The following ADAMTS17 variants were observed in gnomAD, a reference collection of about 807,000 sequenced individuals.
ADAMTS17 encodes A disintegrin and metalloproteinase with thrombospondin motifs 17.
A neutral mutation model predicts 141.5 loss-of-function variants in ADAMTS17; 113 were observed. The observed-to-expected ratio is 0.80, with a 90% CI of 0.69 to 0.93. The LOEUF (loss-of-function observed/expected upper bound fraction) is 0.93. Ranked by LOEUF, ADAMTS17 falls within the 40% of genes least tolerant of loss-of-function variation. The probability of loss-of-function intolerance (pLI) is 0.00; values close to 1 mark genes in which losing one functional copy is unlikely to be tolerated. For synonymous variants in ADAMTS17, 768 were observed against 630.6 expected, an observed-to-expected ratio of 1.22 and a Z score of -3.27; for missense variants, 1,659 against 1,517.9, an observed-to-expected ratio of 1.09 and a Z score of -1.54.
At chr15:100,287,754 C>A (rs1246778759) in intron 3 of ADAMTS17, among the ~76,000 whole-genome samples, 1 of 152,146 alleles carries the variant, frequency 6.6e-6, no homozygotes, top group Non-Finnish European at 1.5e-5. Flanking sequence ...TGATATCCAG[C>A]CAAATTAAGC....
rs2060263065 is a variant in ADAMTS17, at chr15:99,973,875, G to A, written c.*527C>T. On this transcript the variant is annotated 3_prime_UTR_variant, in exon 22 of 22. Coordinates refer to ENST00000268070, the MANE Select transcript of ADAMTS17 (RefSeq NM_139057.4). Reference sequence around the variant, plus strand: ...GGAGGCAACGTCCTGGTTCTCATGTGGTCAAGAAGGTAGATGGAGAGAAAC... The same window carrying A: ...GGAGGCAACGTCCTGGTTCTCATGTAGTCAAGAAGGTAGATGGAGAGAAAC... The A allele has an allele frequency of 4.7e-6, 1 of 211,286 alleles. No individual in the cohort carries two copies. Among genetic ancestry groups the A allele is most frequent in the Non-Finnish European group, 9.6e-6 (1 of 104,018 alleles). 13.1% of individuals were successfully genotyped at this position (211,286 alleles called of 1,614,324 possible). A position where few individuals can be genotyped will look rare whatever the true frequency, so the allele number is the denominator to read the frequency against.
intron 15 of ADAMTS17, among the ~76,000 whole-genome samples, chr15:100,080,547 C>A (rs1390803625): frequency 6.6e-6 from 1 of 152,048 alleles, no homozygotes; most frequent in Non-Finnish European, 1.5e-5. Flanking sequence ...GGTCACTCCA[C>A]CAAGAAAAAA....
chr15:100,283,975 G>A (rs752310068), intron 3 of ADAMTS17, among the ~76,000 whole-genome samples: 2 of 152,138 alleles, frequency 1.3e-5, no homozygotes, highest in Non-Finnish European at 2.9e-5. Flanking sequence ...GCATGGTGGT[G>A]CGTGCCTGTA....
At chr15:100,073,405 A>G (rs1381439764) in intron 15 of ADAMTS17, among the ~76,000 whole-genome samples, 1 of 152,174 alleles carries the variant, frequency 6.6e-6, no homozygotes, top group Non-Finnish European at 1.5e-5. Context: ...CAGCCATCCC[A>G]TTACTGGGTG....
intron 7 of ADAMTS17, among the ~76,000 whole-genome samples, chr15:100,248,628 A>G (rs1050431846): frequency 2.0e-5 from 3 of 152,148 alleles, no homozygotes; most frequent in Admixed American, 6.5e-5. Context: ...AGTGGGGGCC[A>G]CTCAGTGAGG....
At chr15:100,307,234 G>A (rs1344754964) in intron 3 of ADAMTS17, among the ~76,000 whole-genome samples, 1 of 152,198 alleles carries the variant, frequency 6.6e-6, no homozygotes, top group Non-Finnish European at 1.5e-5. Context: ...AAAAGACTCT[G>A]CTTCTTGGAC....
At position 100,261,459 on chromosome 15, in the gene ADAMTS17, C is replaced by T; in HGVS notation, c.1031+20G>A. 1 of 1,613,762 alleles carries T rather than the reference C, an allele frequency of 6.2e-7. No individual in the cohort carries two copies. The highest frequency in any genetic ancestry group is 8.5e-7 in the Non-Finnish European group (1 of 1,179,978). On this transcript the variant is annotated intron_variant, in intron 6 of 21. Coordinates refer to ENST00000268070, the MANE Select transcript of ADAMTS17 (RefSeq NM_139057.4). The stretch of plus-strand genomic sequence containing the variant: ...TCTTTTCCCTCTCACATGTCAGCTA[C>T]AGGCCAAATCCCATCTTACCTGGTC...
intron 12 of ADAMTS17, among the ~76,000 whole-genome samples, chr15:100,130,107 G>A (rs924396064): frequency 6.6e-5 from 10 of 152,180 alleles, no homozygotes; most frequent in South Asian, 4.1e-4. Context: ...GCTCACACCT[G>A]TAATCCCAGC....
intron 12 of ADAMTS17, among the ~76,000 whole-genome samples, chr15:100,123,006 G>T (rs1036879480): frequency 6.6e-6 from 1 of 152,224 alleles, no homozygotes; most frequent in Admixed American, 6.5e-5. Context: ...CCTTGTGGGG[G>T]AGGGTGTGGC....
chr15:100,039,889 A>T (rs749597382), intron 18 of ADAMTS17, among the ~76,000 whole-genome samples: 1 of 152,122 alleles, frequency 6.6e-6, no homozygotes, highest in Admixed American at 6.5e-5. Context: ...CATGTATTTT[A>T]GGGTCTCATA....
chr15:100,014,320 C>A (rs903101135), intron 18 of ADAMTS17, among the ~76,000 whole-genome samples: 3 of 152,066 alleles, frequency 2.0e-5, no homozygotes, highest in African/African-American at 4.8e-5. Flanking sequence ...TTTTATTTAT[C>A]TTTTCAAAGA....
intron 15 of ADAMTS17, chr15:100,063,902 C>T (rs112904887): frequency 2.9e-5 from 14 of 485,210 alleles, no homozygotes; most frequent in Admixed American, 1.1e-4. Flanking sequence ...AGGAGGCTCT[C>T]CTAAGGCCAG....
At chr15:100,311,001 G>A (rs994261709) in intron 3 of ADAMTS17, among the ~76,000 whole-genome samples, 4 of 152,230 alleles carry the variant, frequency 2.6e-5, no homozygotes, top group Non-Finnish European at 4.4e-5. Flanking sequence ...CTGTCCCGGT[G>A]AGACTTTCTG....
chr15:100,122,211 G>A (rs1165157198), intron 12 of ADAMTS17, among the ~76,000 whole-genome samples: 1 of 152,172 alleles, frequency 6.6e-6, no homozygotes, highest in Non-Finnish European at 1.5e-5. Context: ...ATTCTTTAGA[G>A]TTCTCTTTAC....
At chr15:100,059,230 C>T (rs146853026) in intron 15 of ADAMTS17, among the ~76,000 whole-genome samples, 1 of 152,246 alleles carries the variant, frequency 6.6e-6, no homozygotes, top group Non-Finnish European at 1.5e-5. Flanking sequence ...TTGGGGTCAG[C>T]TCTCACAGCC....
At chr15:100,295,431 C>T (rs571471468) in intron 3 of ADAMTS17, among the ~76,000 whole-genome samples, 1 of 152,220 alleles carries the variant, frequency 6.6e-6, no homozygotes, top group South Asian at 2.1e-4. Flanking sequence ...GTTTTCAGCT[C>T]AGTAGGGACA....
chr15:100,110,427 G>C (rs1596461279), intron 13 of ADAMTS17, among the ~76,000 whole-genome samples: 1 of 151,464 alleles, frequency 6.6e-6, no homozygotes, highest in African/African-American at 2.4e-5. Context: ...ACCATGCCTG[G>C]CTAATTTTTT....
chr15:100,107,163 G>A (rs778434923), intron 14 of ADAMTS17, among the ~76,000 whole-genome samples: 3 of 152,226 alleles, frequency 2.0e-5, no homozygotes, highest in Admixed American at 6.5e-5. Context: ...CACCCTGGAA[G>A]CTGTCTTTGT....
chr15:100,084,012 G>C (rs2034922785), intron 15 of ADAMTS17, among the ~76,000 whole-genome samples: 1 of 152,054 alleles, frequency 6.6e-6, no homozygotes, highest in South Asian at 2.1e-4. Context: ...AGTGGGTGCA[G>C]TGCACCGTGA....
Sources: gnomAD v4.1 joint callset for allele counts (sites outside exome capture counted in the v4.1 genomes callset) on GRCh38, gnomAD v4.1.1 for gene constraint, MANE v1.5 for transcripts, NCBI Gene and HGNC (gene_info 2026-07-23, HGNC 2026-07-21) for gene names.